Variants in CAMTA1 observed in about 807,000 individuals in gnomAD.
CAMTA1 encodes calmodulin-binding transcription activator 1.
A neutral mutation model predicts 170.9 loss-of-function variants in CAMTA1; 27 were observed. The ratio of observed to expected loss-of-function variants is 0.16; its 90% confidence interval spans 0.12 to 0.22. CAMTA1 has a LOEUF of 0.22. Ranked by LOEUF, CAMTA1 falls within the 10% of genes least tolerant of loss-of-function variation. The probability of loss-of-function intolerance (pLI) is 1.00; values close to 1 mark genes in which losing one functional copy is unlikely to be tolerated. For missense variants in CAMTA1, 1,619 were observed against 2,217.2 expected (o/e 0.73, Z 5.42); for synonymous variants, 833 against 891.5 (o/e 0.93, Z 1.17).
At position 7,715,642 on chromosome 1, in the gene CAMTA1, C is replaced by T. The variant is rs546789725; in HGVS notation, c.2915-16806C>T. 1.6e-4 allele frequency among the ~76,000 whole-genome samples: 24 copies of T among 152,248 alleles called. No homozygotes were observed. In the East Asian group the frequency reaches 4.1e-3, roughly 26 times the overall value. ...CACCCTTAAGTGTTTTGCTTTTTTA[C>T]GTAATCCAAGGGATGCTTTAATGCT... On this transcript the variant is annotated intron_variant, in intron 11 of 22. Transcript: ENST00000303635.
intron 5 of CAMTA1, among the ~76,000 whole-genome samples, chr1:7,421,824 A>ACCTATGCCTCCT (rs6143106): frequency 6.6e-6 from 1 of 151,952 alleles, no homozygotes. Flanking sequence ...GACAGAGGGG[A>ACCTATGCCTCCT]CCATACCCTC....
chr1:7,118,253 G>A (rs1022241425), intron 4 of CAMTA1, among the ~76,000 whole-genome samples: 5 of 151,672 alleles, frequency 3.3e-5, no homozygotes, highest in Non-Finnish European at 5.9e-5. Context: ...GTACAGGAGT[G>A]GCAGGGGTCA....
Position 7,299,704 on chromosome 1 carries a change from C to G in CAMTA1, c.438+50078C>G, listed in dbSNP as rs936349589. 6.6e-6 allele frequency among the ~76,000 whole-genome samples: 1 copy of G among 152,204 alleles called. No individual in the cohort carries two copies. The highest frequency in any genetic ancestry group is 2.4e-5 in the African/African-American group (1 of 41,454). On this transcript the variant is annotated intron_variant, in intron 5 of 22. Coordinates refer to ENST00000303635, the MANE Select transcript of CAMTA1 (RefSeq NM_015215.4). This position sits in a 1 kb window ranked among gnomAD's most constrained non-coding sequence, Gnocchi z 4.7. ...ACGCCCAATCAGTGCCCTGTACAAG[C>G]AGGGACTGTGGGTGAGAGGGTACAA...
intron 6 of CAMTA1, among the ~76,000 whole-genome samples, chr1:7,596,593 G>A (rs570646889): frequency 1.7e-4 from 26 of 152,324 alleles, no homozygotes; most frequent in Non-Finnish European, 5.9e-5. Flanking sequence ...AGGCTGACAG[G>A]TGCCTGCTCC....
chr1:7,404,637 C>T (rs1039016438), intron 5 of CAMTA1, among the ~76,000 whole-genome samples: 3 of 152,162 alleles, frequency 2.0e-5, no homozygotes, highest in African/African-American at 4.8e-5. Context: ...GGCCCACGTC[C>T]GTCCCCTCAC....
In CAMTA1 at chr1:7,050,312, T is replaced by A. The variant is rs1706122376; in HGVS notation, c.235-40992T>A. 6.6e-6 allele frequency among the ~76,000 whole-genome samples: 1 copy of A among 152,048 alleles called. No homozygotes were observed. The highest frequency in any genetic ancestry group is 1.5e-5 in the Non-Finnish European group (1 of 68,004). On this transcript the variant is annotated intron_variant, in intron 3 of 22. Coordinates refer to ENST00000303635, the MANE Select transcript of CAMTA1 (RefSeq NM_015215.4). This position sits in a 1 kb window ranked among gnomAD's most constrained non-coding sequence, Gnocchi z 4.8. ...ATGGGGCAGGAAGAGAGTCTGTAGA[T>A]AATAAGCTGCCTGCACCCTGAGCTA...
intron 6 of CAMTA1, among the ~76,000 whole-genome samples, chr1:7,617,866 A>G (rs2095570249): frequency 6.6e-6 from 1 of 152,092 alleles, no homozygotes; most frequent in African/African-American, 2.4e-5. Flanking sequence ...CCTCAGCTCT[A>G]AGGTGGGGCT....
At chr1:7,423,384 C>T (rs1308983574) in intron 5 of CAMTA1, among the ~76,000 whole-genome samples, 2 of 151,080 alleles carry the variant, frequency 1.3e-5, no homozygotes, top group Non-Finnish European at 2.9e-5. Flanking sequence ...GCAGGAGAAT[C>T]GCTTGAACCC....
At chr1:7,138,154 T>A (rs1645649608) in intron 4 of CAMTA1, among the ~76,000 whole-genome samples, 1 of 151,672 alleles carries the variant, frequency 6.6e-6, no homozygotes, top group South Asian at 2.1e-4. Context: ...CCCAGCTAAT[T>A]TTTAAAATTT....
At chr1:7,156,988 G>A (rs1347704969) in intron 4 of CAMTA1, among the ~76,000 whole-genome samples, 1 of 152,016 alleles carries the variant, frequency 6.6e-6, no homozygotes, top group East Asian at 1.9e-4. Flanking sequence ...AGAAAATCAG[G>A]GATCAGAAAG....
intron 5 of CAMTA1, among the ~76,000 whole-genome samples, chr1:7,342,793 C>T (rs1385670932): frequency 3.3e-5 from 5 of 152,140 alleles, no homozygotes; most frequent in African/African-American, 7.2e-5. Context: ...ATCTTGAGGC[C>T]GAGGGCCTGA....
In CAMTA1 at chr1:7,580,873, CCTGA is replaced by C. The variant is rs1214524487; in HGVS notation, c.511-59523_511-59520del. Among the ~76,000 whole-genome samples the C allele has an allele frequency of 4.6e-5, 7 of 152,346 alleles. No individual in the cohort carries two copies. Among genetic ancestry groups the C allele is most frequent in the African/African-American group, 7.2e-5 (3 of 41,580 alleles). On this transcript the variant is annotated intron_variant, in intron 6 of 22. Coordinates refer to ENST00000303635, the MANE Select transcript of CAMTA1 (RefSeq NM_015215.4). This position sits in a 1 kb window ranked among gnomAD's most constrained non-coding sequence, Gnocchi z 4.3. ...AGTCATATGGTGTGAAACACCCTGT[CCTGA>C]CTGTGTGACCTCGAGAAGGTCACAT... is the stretch of plus-strand genomic sequence containing the variant.
chr1:7,454,774 C>T (rs1013630578), intron 5 of CAMTA1, among the ~76,000 whole-genome samples: 1 of 152,136 alleles, frequency 6.6e-6, no homozygotes, highest in Non-Finnish European at 1.5e-5. Context: ...GCAGAGCTCC[C>T]TGGGGACATT....
At chr1:7,500,713 T>C (rs2093991868) in intron 6 of CAMTA1, among the ~76,000 whole-genome samples, 1 of 152,188 alleles carries the variant, frequency 6.6e-6, no homozygotes, top group African/African-American at 2.4e-5. Context: ...AGGCGTGGGC[T>C]GGCTCCGTCC....
intron 4 of CAMTA1, among the ~76,000 whole-genome samples, chr1:7,104,246 AACAC>A (rs371423806): frequency 2.3e-5 from 3 of 131,814 alleles, no homozygotes; most frequent in Admixed American, 7.2e-5. Flanking sequence ...GTGTACACAC[AACAC>A]ACATACACAC....
intron 1 of CAMTA1, among the ~76,000 whole-genome samples, chr1:6,805,921 TAAG>T (rs1296597674): frequency 2.6e-5 from 4 of 152,218 alleles, no homozygotes; most frequent in South Asian, 2.1e-4. Context: ...GGTATCATAA[TAAG>T]AAACCATTGT....
At chr1:7,572,888 C>A (rs186175336) in intron 6 of CAMTA1, among the ~76,000 whole-genome samples, 1 of 152,340 alleles carries the variant, frequency 6.6e-6, no homozygotes, top group East Asian at 1.9e-4. Flanking sequence ...GAAACCGCAC[C>A]TGTGATCCAG....
In CAMTA1 at chr1:6,862,346, A is replaced by G. The variant is rs374340969; in HGVS notation, c.234+37136A>G. ...CATCAAGGTTCGTCCATGTTGGAGC[A>G]TGTGTTAGCCTTTCCTGCCCTTTAA... On this transcript the variant is annotated intron_variant, in intron 3 of 22. Coordinates refer to ENST00000303635, the MANE Select transcript of CAMTA1 (RefSeq NM_015215.4). Among the ~76,000 whole-genome samples the G allele has an allele frequency of 7.0e-4, 107 of 152,286 alleles. 1 individual carries two copies. The highest frequency in any genetic ancestry group is 3.4e-3 in the Middle Eastern group (1 of 294).
At chr1:7,446,846 T>A (rs1177499856) in intron 5 of CAMTA1, among the ~76,000 whole-genome samples, 1 of 152,160 alleles carries the variant, frequency 6.6e-6, no homozygotes, top group East Asian at 1.9e-4. Context: ...TGGAACTGGA[T>A]TCACAGCCCG....
Sources: allele counts gnomAD v4.1 joint callset (sites outside exome capture counted in the v4.1 genomes callset), GRCh38; gene constraint gnomAD v4.1.1; non-coding constraint Gnocchi (gnomAD v3.1); transcripts MANE v1.5; gene names NCBI Gene and HGNC (gene_info 2026-07-23, HGNC 2026-07-21).